HS3ST4: variants seen among roughly 807,000 people sequenced by gnomAD.
HS3ST4 encodes heparan sulfate-glucosamine 3-sulfotransferase 4.
Under a neutral mutation model 29.2 loss-of-function variants are expected in HS3ST4, and 17 were observed. The ratio of observed to expected loss-of-function variants is 0.58; its 90% CI spans 0.40 to 0.87. HS3ST4 has a LOEUF of 0.87. HS3ST4 is among the 40% of genes least tolerant of loss of function. HS3ST4 has a pLI of 0.00. For missense variants in HS3ST4, 627 were observed against 634.5 expected (o/e 0.99, Z 0.13); for synonymous variants, 314 against 285.7 (o/e 1.10, Z -1.00).
intron 1 of HS3ST4, among the ~76,000 whole-genome samples, chr16:25,703,130 G>C (rs1028774745): frequency 6.6e-6 from 1 of 152,068 alleles, no homozygotes; most frequent in Non-Finnish European, 1.5e-5. Flanking sequence ...CTGTACTCCA[G>C]CCAGCCTGGT....
At chr16:25,910,799 G>A (rs1050470415) in intron 1 of HS3ST4, among the ~76,000 whole-genome samples, 8 of 152,102 alleles carry the variant, frequency 5.3e-5, no homozygotes, top group African/African-American at 1.9e-4. Flanking sequence ...TCTCCATCCT[G>A]TGTTATAGAA....
intron 1 of HS3ST4, among the ~76,000 whole-genome samples, chr16:25,866,954 G>A (rs1172198710): frequency 6.6e-6 from 1 of 152,040 alleles, no homozygotes; most frequent in Non-Finnish European, 1.5e-5. Context: ...TCTATTTCAC[G>A]GGCCTCTCCA....
chr16:26,110,836 TC>T (rs1397011333), intron 1 of HS3ST4, among the ~76,000 whole-genome samples: 1 of 152,040 alleles, frequency 6.6e-6, no homozygotes, highest in Non-Finnish European at 1.5e-5. Context: ...TCTCTCACGC[TC>T]TCCAGCTACA....
At chr16:25,713,945 TC>T (rs1407463171) in intron 1 of HS3ST4, among the ~76,000 whole-genome samples, 1 of 152,152 alleles carries the variant, frequency 6.6e-6, no homozygotes. Context: ...CTGCTAGGAC[TC>T]CGTGGCATCC....
At position 25,895,329 on chromosome 16, in the gene HS3ST4, A is replaced by G. The variant is rs1027849574; in HGVS notation, c.734+202178A>G. On this transcript the variant is annotated intron_variant, in intron 1 of 1. Coordinates refer to ENST00000331351, the MANE Select transcript of HS3ST4 (RefSeq NM_006040.3). ...TTGCTCGGTAGACAAGGATCAGACAATGTAGGTCTGGGGACGACATATGAG... is the reference window on the plus strand; with the variant it reads ...TTGCTCGGTAGACAAGGATCAGACAGTGTAGGTCTGGGGACGACATATGAG... Among the ~76,000 whole-genome samples, 13 of 152,170 alleles carry G rather than the reference A, an allele frequency of 8.5e-5. No individual in the cohort carries two copies. The East Asian group carries it at 1.2e-3, about 14-fold the overall frequency.
At chr16:25,757,340 C>G (rs1019908376) in intron 1 of HS3ST4, among the ~76,000 whole-genome samples, 2 of 152,126 alleles carry the variant, frequency 1.3e-5, no homozygotes, top group Non-Finnish European at 2.9e-5. Flanking sequence ...AGTTATTTAA[C>G]TACTTTGAGC....
intron 1 of HS3ST4, among the ~76,000 whole-genome samples, chr16:25,998,088 CAAACAAACA>C (rs962163575): frequency 1.4e-4 from 22 of 152,036 alleles, no homozygotes; most frequent in African/African-American, 5.3e-4. Context: ...GCAAAACAAA[CAAACAAACA>C]AAAACACCTT....
At chr16:26,124,339 C>CT (rs569228675) in intron 1 of HS3ST4, among the ~76,000 whole-genome samples, 3 of 151,958 alleles carry the variant, frequency 2.0e-5, no homozygotes, top group African/African-American at 4.8e-5. Context: ...CTGTAGTTTT[C>CT]TTTTTTTTCT....
intron 1 of HS3ST4, among the ~76,000 whole-genome samples, chr16:25,725,451 G>C (rs1057304102): frequency 6.6e-6 from 1 of 152,216 alleles, no homozygotes; most frequent in African/African-American, 2.4e-5. Context: ...CTACCATCCA[G>C]AGGATATCTT....
chr16:25,795,118 C>A, intron 1 of HS3ST4, among the ~76,000 whole-genome samples: 1 of 151,658 alleles, frequency 6.6e-6, no homozygotes, highest in East Asian at 1.9e-4. Flanking sequence ...ATTACAGGCG[C>A]CTGCCACCAC....
intron 1 of HS3ST4, among the ~76,000 whole-genome samples, chr16:25,938,401 G>A (rs992554565): frequency 6.6e-6 from 1 of 151,876 alleles, no homozygotes; most frequent in Non-Finnish European, 1.5e-5. Context: ...GTCTTTTTAG[G>A]AAAAAAATAA....
At chr16:25,768,236 G>C (rs1466359744) in intron 1 of HS3ST4, among the ~76,000 whole-genome samples, 7 of 152,094 alleles carry the variant, frequency 4.6e-5, no homozygotes. Flanking sequence ...CAATATGTAC[G>C]TACACACACA....
chr16:25,707,797 C>T (rs1020663712), intron 1 of HS3ST4, among the ~76,000 whole-genome samples: 3 of 152,236 alleles, frequency 2.0e-5, no homozygotes, highest in African/African-American at 7.2e-5. Context: ...GCACTTGCTG[C>T]TTCCACCACT....
rs1596564607 is a variant in HS3ST4, at chr16:25,766,005, T to G, written c.734+72854T>G. Among the ~76,000 whole-genome samples the G allele has an allele frequency of 2.0e-5, 3 of 152,078 alleles. No individual in the cohort carries two copies. In the South Asian group the frequency reaches 6.2e-4, roughly 32 times the overall value. On this transcript the variant is annotated intron_variant, in intron 1 of 1. Coordinates refer to ENST00000331351, the MANE Select transcript of HS3ST4 (RefSeq NM_006040.3). The stretch of plus-strand genomic sequence containing the variant: ...TCCCAGAAGAGCACAGTGCATTGAT[T>G]AGCAAGTCGGAAATCCCAGAATGAT...
rs1403233826 is a variant in HS3ST4, at chr16:25,873,524, GTCTA to G, written c.734+180385_734+180388del. 4.0e-3 allele frequency among the ~76,000 whole-genome samples: 519 copies of G among 128,696 alleles called. 7 individuals are homozygous for G. Among genetic ancestry groups the G allele is most frequent in the African/African-American group, 0.015 (471 of 31,776 alleles). The allele number at this position is 128,696 out of a possible 152,430, so 84.4% of individuals were successfully genotyped here. On this transcript the variant is annotated intron_variant, in intron 1 of 1. Transcript: ENST00000331351. ...TATCTATCTATCTATCTATCTATCT[GTCTA>G]TCTATCTATCTTTCTCTATCTATCT... is the stretch of plus-strand genomic sequence containing the variant.
chr16:26,068,385 T>C (rs113603931), intron 1 of HS3ST4, among the ~76,000 whole-genome samples: 2,071 of 152,222 alleles, frequency 0.014, 37 homozygotes, highest in African/African-American at 0.045. Flanking sequence ...TATTAAAAAG[T>C]TTAACGTAGA....
chr16:25,920,603 C>CA (rs566810588), intron 1 of HS3ST4, among the ~76,000 whole-genome samples: 3 of 86,878 alleles, frequency 3.5e-5, no homozygotes, highest in Non-Finnish European at 5.3e-5. Context: ...GCCGCCCCCA[C>CA]CCCTCTTTTT....
intron 1 of HS3ST4, among the ~76,000 whole-genome samples, chr16:25,702,632 G>A (rs1225079384): frequency 6.6e-6 from 1 of 152,122 alleles, no homozygotes; most frequent in African/African-American, 2.4e-5. Flanking sequence ...ATGTGTTTGA[G>A]GGTGATCTGA....
chr16:25,892,866 G>A (rs566025869), intron 1 of HS3ST4, among the ~76,000 whole-genome samples: 2 of 152,168 alleles, frequency 1.3e-5, no homozygotes, highest in Non-Finnish European at 2.9e-5. Context: ...CAGTGAACAA[G>A]ACAGCAAAGT....
Sources: allele counts gnomAD v4.1 joint callset (sites outside exome capture counted in the v4.1 genomes callset), GRCh38; gene constraint gnomAD v4.1.1; transcripts MANE v1.5; gene names NCBI Gene and HGNC (gene_info 2026-07-23, HGNC 2026-07-21).